The following ABL1 variants were observed in gnomAD, a reference collection of about 807,000 sequenced individuals.
The protein encoded by ABL1 is tyrosine-protein kinase ABL1.
Under a neutral mutation model 94.7 loss-of-function variants are expected in ABL1, and 11 were observed. The ratio of observed to expected loss-of-function variants is 0.12; its 90% CI spans 0.07 to 0.19. ABL1 has a LOEUF of 0.19. Ranked by LOEUF, ABL1 falls within the 10% of genes least tolerant of loss-of-function variation. The pLI is 1.00. For synonymous variants in ABL1, 656 were observed against 622.4 expected (o/e 1.05, Z -0.80); for missense variants, 1,082 against 1,489.4 (o/e 0.73, Z 4.50).
At chr9:130,798,724 TTTGG>T (rs1830013577) in intron 1 of ABL1, among the ~76,000 whole-genome samples, 1 of 152,048 alleles carries the variant, frequency 6.6e-6, no homozygotes, top group South Asian at 2.1e-4. Flanking sequence ...ATCCTGGGAC[TTTGG>T]GAGGCTGAGG....
intron 3 of ABL1, among the ~76,000 whole-genome samples, chr9:130,857,678 GA>G (rs2132963234): frequency 6.7e-6 from 1 of 149,672 alleles, no homozygotes; most frequent in African/African-American, 2.5e-5. Context: ...TGTACCATAT[GA>G]ACATACATAT....
chr9:130,823,364 T>G (rs1830388361), intron 1 of ABL1, among the ~76,000 whole-genome samples: 1 of 152,098 alleles, frequency 6.6e-6, no homozygotes, highest in South Asian at 2.1e-4. Flanking sequence ...AAAGATTGAT[T>G]TGGGGAATTC....
chr9:130,842,952 A>G (rs974538968), intron 1 of ABL1, among the ~76,000 whole-genome samples: 22 of 152,208 alleles, frequency 1.4e-4, no homozygotes, highest in African/African-American at 5.1e-4. Flanking sequence ...TTTTTACATT[A>G]TACCTTTAGG....
chr9:130,834,982 A>G (rs1286966206), upstream of ABL1: 1 of 451,298 alleles, frequency 2.2e-6, no homozygotes, highest in Non-Finnish European at 4.4e-6. Context: ...CGGCTTCTAA[A>G]GTGGAGTGGA....
In ABL1 at chr9:130,744,212, G is replaced by A. The variant is rs372737536; in HGVS notation, c.136+29757G>A. On this transcript the variant is annotated intron_variant, in intron 1 of 10. Transcript: ENST00000372348. ...GCTGGGGTGCAGTGGCCACAATCTC[G>A]GCTCACTGCAACCTCTGCCTCCCGG... Among the ~76,000 whole-genome samples, 6 of 151,376 alleles carry A rather than the reference G, an allele frequency of 4.0e-5. No individual in the cohort carries two copies. The South Asian group carries it at 8.4e-4, about 21-fold the overall frequency.
intron 3 of ABL1, among the ~76,000 whole-genome samples, chr9:130,855,932 T>C (rs1375518903): frequency 6.6e-6 from 1 of 151,560 alleles, no homozygotes; most frequent in Non-Finnish European, 1.5e-5. Flanking sequence ...TTGTTTGTTT[T>C]TGAGATGGAG....
intron 1 of ABL1, among the ~76,000 whole-genome samples, chr9:130,750,471 T>G: frequency 7.7e-6 from 1 of 130,392 alleles, no homozygotes; most frequent in African/African-American, 2.8e-5. Flanking sequence ...CTTTCTTTTT[T>G]GACAGAGTCT....
In ABL1 at chr9:130,884,910, A is replaced by G. The variant is rs1451042939; in HGVS notation, c.2620A>G (p.Arg874Gly). 8 of 1,611,436 alleles carry G rather than the reference A, an allele frequency of 5.0e-6. No individual in the cohort carries two copies. The highest frequency in any genetic ancestry group is 6.8e-6 in the Non-Finnish European group (8 of 1,179,504). The part of the protein sequence containing the change: ...GTSKGPAEES[R>G]VRRHKHSSES... ...CAGCAAGGGCCCCGCCGAGGAGTCC[A>G]GAGTGAGGAGGCACAAGCACTCCTC... Residue 874 changes from arginine (R) to glycine (G), a missense_variant, in exon 11 of 11, where the codon AGA becomes GGA. Transcript: ENST00000318560. This position sits in a 1 kb window ranked among gnomAD's most constrained non-coding sequence, Gnocchi z 5.6.
At chr9:130,733,893 A>G (rs960710187) in intron 1 of ABL1, among the ~76,000 whole-genome samples, 4 of 152,046 alleles carry the variant, frequency 2.6e-5, no homozygotes, top group African/African-American at 9.7e-5. Context: ...CCTGGCCTGT[A>G]AAGCACTTTC....
intron 1 of ABL1, among the ~76,000 whole-genome samples, chr9:130,783,327 G>A (rs1829782488): frequency 6.6e-6 from 1 of 152,188 alleles, no homozygotes; most frequent in Non-Finnish European, 1.5e-5. Context: ...TGGAGGCTGT[G>A]ATTGTTTACT....
chr9:130,841,939 AGAGAGAGAGAGG>A (rs1329560445), intron 1 of ABL1, among the ~76,000 whole-genome samples: 1 of 149,078 alleles, frequency 6.7e-6, no homozygotes, highest in African/African-American at 2.5e-5. Context: ...AAGGAGATAG[AGAGAGAGAGAGG>A]GAGGGAGGAA....
At chr9:130,740,252 G>C (rs986671296) in intron 1 of ABL1, among the ~76,000 whole-genome samples, 1 of 152,218 alleles carries the variant, frequency 6.6e-6, no homozygotes, top group Non-Finnish European at 1.5e-5. Context: ...GGGGGACAAT[G>C]AACCACAGGG....
intron 1 of ABL1, among the ~76,000 whole-genome samples, chr9:130,853,170 C>CT (rs11418318): frequency 0.61 from 46,036 of 75,220 alleles, 14,509 homozygotes; most frequent in East Asian, 0.73. Flanking sequence ...TTTGACTTTT[C>CT]TTTTTTTTTT....
At chr9:130,812,754 A>C (rs1256594636) in intron 1 of ABL1, among the ~76,000 whole-genome samples, 1 of 152,240 alleles carries the variant, frequency 6.6e-6, no homozygotes, top group Non-Finnish European at 1.5e-5. Context: ...TGATAGAACA[A>C]GTAGACAAAA....
chr9:130,729,039 G>A (rs938785555), intron 1 of ABL1, among the ~76,000 whole-genome samples: 1 of 152,134 alleles, frequency 6.6e-6, no homozygotes, highest in Non-Finnish European at 1.5e-5. Context: ...TAAGTGACTG[G>A]TCGTTAAGTT....
At chr9:130,771,024 A>G (rs936204300) in intron 1 of ABL1, among the ~76,000 whole-genome samples, 2 of 152,194 alleles carry the variant, frequency 1.3e-5, no homozygotes, top group African/African-American at 2.4e-5. Flanking sequence ...ATGTGTCTAT[A>G]TCTGTTTATT....
chr9:130,755,970 AAC>A (rs1261481355), intron 1 of ABL1, among the ~76,000 whole-genome samples: 1 of 152,164 alleles, frequency 6.6e-6, no homozygotes, highest in Non-Finnish European at 1.5e-5. Flanking sequence ...TTTTTGTCAA[AAC>A]ACAGAGAAAA....
At chr9:130,816,251 G>A (rs539439822) in intron 1 of ABL1, among the ~76,000 whole-genome samples, 7 of 152,162 alleles carry the variant, frequency 4.6e-5, no homozygotes, top group African/African-American at 9.6e-5. Context: ...TGCTTCCTCC[G>A]TAGTTCACTC....
chr9:130,715,527 C>T (rs1176552929), intron 1 of ABL1, among the ~76,000 whole-genome samples: 1 of 152,160 alleles, frequency 6.6e-6, no homozygotes, highest in Non-Finnish European at 1.5e-5. Context: ...AATCCGGGTG[C>T]TTGGATTTTA....
Sources: gnomAD v4.1 joint callset for allele counts (sites outside exome capture counted in the v4.1 genomes callset) on GRCh38, gnomAD v4.1.1 for gene constraint, Gnocchi (gnomAD v3.1) non-coding constraint, MANE v1.5 for transcripts, NCBI Gene and HGNC (gene_info 2026-07-23, HGNC 2026-07-21) for gene names.